TRAK1: variants seen among roughly 807,000 people sequenced by gnomAD.
The protein encoded by TRAK1 is trafficking kinesin-binding protein 1.
TRAK1 carries 33 observed loss-of-function variants against 92.1 expected under a neutral mutation model. The ratio of observed to expected loss-of-function variants is 0.36; its 90% CI spans 0.27 to 0.48. TRAK1 has a LOEUF of 0.48. Among genes scored for constraint, TRAK1 ranks in the 20% least tolerant of loss-of-function variants. The pLI is 0.99. For missense variants in TRAK1, 1,123 were observed against 1,257.9 expected, an observed-to-expected ratio of 0.89 and a Z score of 1.62; for synonymous variants, 521 against 517.3, an observed-to-expected ratio of 1.01 and a Z score of -0.10.
intron 2 of TRAK1, among the ~76,000 whole-genome samples, chr3:42,147,855 C>A (rs1699507665): frequency 6.6e-6 from 1 of 152,162 alleles, no homozygotes; most frequent in Non-Finnish European, 1.5e-5. Flanking sequence ...GAGGACCTCA[C>A]AACACAACGT....
chr3:42,225,424 G>T lies in TRAK1; in HGVS notation c.*1687G>T, dbSNP rs1346245239. Reference sequence around the variant, plus strand: ...TTTATTCTCTGAACACAAGAGTATTGGTTAATTATGTTCTCAGCTCTCCCT... The same window carrying T: ...TTTATTCTCTGAACACAAGAGTATTTGTTAATTATGTTCTCAGCTCTCCCT... On this transcript the variant is annotated 3_prime_UTR_variant, in exon 16 of 16. Transcript: ENST00000327628. 1 of 152,162 alleles carries T rather than the reference G, an allele frequency of 6.6e-6. No individual in the cohort carries two copies. Among genetic ancestry groups the T allele is most frequent in the African/African-American group, 2.4e-5 (1 of 41,428 alleles). 9.4% of individuals were successfully genotyped at this position (152,162 alleles called of 1,614,324 possible). A position where few individuals can be genotyped will look rare whatever the true frequency, so the allele number is the denominator to read the frequency against.
intron 1 of TRAK1, among the ~76,000 whole-genome samples, chr3:42,107,455 T>TGAGCCAA (rs1165027969): frequency 6.7e-6 from 1 of 150,354 alleles, no homozygotes; most frequent in Non-Finnish European, 1.5e-5. Context: ...GAGGTTGCAG[T>TGAGCCAA]GAGCCAAGAT....
chr3:42,043,278 C>T (rs1046745550), intron 1 of TRAK1, among the ~76,000 whole-genome samples: 2 of 151,910 alleles, frequency 1.3e-5, no homozygotes, highest in African/African-American at 4.8e-5. Context: ...TTCTTTCTTC[C>T]CTTGTCCTCT....
intron 2 of TRAK1, among the ~76,000 whole-genome samples, chr3:42,131,488 G>A (rs1209286802): frequency 6.6e-6 from 1 of 151,732 alleles, no homozygotes; most frequent in Non-Finnish European, 1.5e-5. Flanking sequence ...AGGCTGAGGT[G>A]GGTGGATCAC....
intron 2 of TRAK1, among the ~76,000 whole-genome samples, chr3:42,163,386 T>C (rs1701490711): frequency 6.6e-6 from 1 of 151,912 alleles, no homozygotes; most frequent in African/African-American, 2.4e-5. Flanking sequence ...CTGGCCAAGA[T>C]GGTGAACCCC....
chr3:42,211,586 T>C (rs906653850), intron 14 of TRAK1: 6 of 985,296 alleles, frequency 6.1e-6, no homozygotes, highest in Non-Finnish European at 7.2e-6. Flanking sequence ...TTGATTGGGA[T>C]GCTCCCCTAC....
At chr3:42,097,829 C>A (rs1706160484) in intron 1 of TRAK1, among the ~76,000 whole-genome samples, 1 of 152,182 alleles carries the variant, frequency 6.6e-6, no homozygotes, top group South Asian at 2.1e-4. Context: ...CAGACATCTG[C>A]CTTAGAAAAC....
chr3:42,117,557 G>A (rs887060271), intron 1 of TRAK1, among the ~76,000 whole-genome samples: 2 of 152,034 alleles, frequency 1.3e-5, no homozygotes, highest in Non-Finnish European at 2.9e-5. Context: ...CCAACTGGGT[G>A]AGTGTCTAGG....
At chr3:42,187,239 G>T (rs975922867) in intron 4 of TRAK1, among the ~76,000 whole-genome samples, 1 of 152,160 alleles carries the variant, frequency 6.6e-6, no homozygotes, top group Non-Finnish European at 1.5e-5. Context: ...ACAGAATGGG[G>T]CTGTGTGGTC....
chr3:42,068,159 A>G (rs940612796), intron 1 of TRAK1, among the ~76,000 whole-genome samples: 2 of 142,408 alleles, frequency 1.4e-5, no homozygotes, highest in Non-Finnish European at 3.1e-5. Flanking sequence ...GACTCTGTCT[A>G]AAAAAAAAAA....
At chr3:42,106,538 T>C (rs1480709738) in intron 1 of TRAK1, among the ~76,000 whole-genome samples, 6 of 152,188 alleles carry the variant, frequency 3.9e-5, no homozygotes, top group Non-Finnish European at 7.3e-5. Flanking sequence ...AAAAATATAA[T>C]AATAACAAAA....
At chr3:42,215,880 G>A (rs935073139) in intron 14 of TRAK1, among the ~76,000 whole-genome samples, 1 of 152,126 alleles carries the variant, frequency 6.6e-6, no homozygotes, top group African/African-American at 2.4e-5. Flanking sequence ...TTTCCCCATA[G>A]CAACATGCCA....
intron 1 of TRAK1, among the ~76,000 whole-genome samples, chr3:42,073,226 C>T (rs1370396960): frequency 6.6e-6 from 1 of 152,176 alleles, no homozygotes; most frequent in African/African-American, 2.4e-5. Flanking sequence ...GGCAGTTGTC[C>T]TTGACCCTTT....
intron 1 of TRAK1, among the ~76,000 whole-genome samples, chr3:42,061,938 C>G (rs899103375): frequency 2.0e-5 from 3 of 152,182 alleles, no homozygotes; most frequent in African/African-American, 7.2e-5. Flanking sequence ...AGGGAAACCA[C>G]GCCCTTCTAG....
chr3:42,027,372 A>G (rs1701959253), intron 1 of TRAK1, among the ~76,000 whole-genome samples: 1 of 152,008 alleles, frequency 6.6e-6, no homozygotes, highest in Admixed American at 6.6e-5. Context: ...AAATACAAAA[A>G]ATTAGCCAGG....
chr3:42,184,331 A>T (rs1704479085), intron 3 of TRAK1, among the ~76,000 whole-genome samples: 1 of 152,280 alleles, frequency 6.6e-6, no homozygotes, highest in Admixed American at 6.5e-5. Flanking sequence ...GCAATACAAT[A>T]GCCCAGCCCT....
rs544175439 is a variant in TRAK1 at position 42,160,669 on chromosome 3, C to T, written c.287-16145C>T. On this transcript the variant is annotated intron_variant, in intron 2 of 15. Coordinates refer to ENST00000327628, the MANE Select transcript of TRAK1 (RefSeq NM_001042646.3). ...CCCCTCACCCAGAGAACAGCATTTCCAGCTCCTCAGGAAGTCCCTTGGTCC... is the reference window on the plus strand; with the variant it reads ...CCCCTCACCCAGAGAACAGCATTTCTAGCTCCTCAGGAAGTCCCTTGGTCC... 2.6e-5 allele frequency among the ~76,000 whole-genome samples: 4 copies of T among 152,002 alleles called. No individual in the cohort carries two copies. The South Asian group carries it at 8.3e-4, about 32-fold the overall frequency.
intron 1 of TRAK1, among the ~76,000 whole-genome samples, chr3:42,119,475 G>A (rs573006007): frequency 6.6e-6 from 1 of 152,320 alleles, no homozygotes; most frequent in South Asian, 2.1e-4. Flanking sequence ...AGGGTGTTGA[G>A]TTAGCTGCTT....
At chr3:42,043,628 G>C (rs1702643054) in intron 1 of TRAK1, among the ~76,000 whole-genome samples, 1 of 151,876 alleles carries the variant, frequency 6.6e-6, no homozygotes, top group African/African-American at 2.4e-5. Context: ...GGGGGGGGCG[G>C]GGGGAGTAAA....
Sources: gnomAD v4.1 joint callset for allele counts (sites outside exome capture counted in the v4.1 genomes callset) on GRCh38, gnomAD v4.1.1 for gene constraint, MANE v1.5 for transcripts, NCBI Gene and HGNC (gene_info 2026-07-23, HGNC 2026-07-21) for gene names.